TYW1: variants seen among roughly 807,000 people sequenced by gnomAD.
TYW1 encodes S-adenosyl-L-methionine-dependent tRNA 4-demethylwyosine synthase TYW1.
In TYW1, 46 loss-of-function variants were observed where a neutral mutation model predicts 96.2. That is an observed-to-expected ratio of 0.48 (90% confidence interval 0.38 to 0.61). TYW1 has a LOEUF of 0.61. Among genes scored for constraint, TYW1 ranks in the 20% least tolerant of loss-of-function variants. The pLI is 0.00. For synonymous variants in TYW1, 274 were observed against 323.0 expected, an observed-to-expected ratio of 0.85 and a Z score of 1.63; for missense variants, 684 against 909.6, an observed-to-expected ratio of 0.75 and a Z score of 3.19.
At chr7:67,115,154 C>A (rs1313265592) in intron 12 of TYW1, among the ~76,000 whole-genome samples, 3 of 151,406 alleles carry the variant, frequency 2.0e-5, no homozygotes, top group South Asian at 4.2e-4. Flanking sequence ...AAGGTCAGGG[C>A]AGTTCTCATT....
intron 8 of TYW1, among the ~76,000 whole-genome samples, chr7:67,052,881 T>C (rs1168105260): frequency 1.1e-3 from 161 of 151,854 alleles, no homozygotes; most frequent in Middle Eastern, 3.4e-3. Flanking sequence ...TCCTGAGTAA[T>C]TGCGTGCCCA....
intron 7 of TYW1, among the ~76,000 whole-genome samples, chr7:67,045,941 T>C (rs1795173884): frequency 1.3e-5 from 2 of 152,112 alleles, no homozygotes; most frequent in South Asian, 4.1e-4. Flanking sequence ...CACTGCTGGA[T>C]GTATATAGAA....
intron 8 of TYW1, among the ~76,000 whole-genome samples, chr7:67,051,943 C>T (rs1376202175): frequency 1.3e-5 from 2 of 151,912 alleles, no homozygotes; most frequent in Non-Finnish European, 2.9e-5. Flanking sequence ...CTGTTTTTTC[C>T]TTCAGTGTTT....
At chr7:67,039,872 A>G (rs933137458) in intron 7 of TYW1, among the ~76,000 whole-genome samples, 1 of 151,932 alleles carries the variant, frequency 6.6e-6, no homozygotes, top group African/African-American at 2.4e-5. Flanking sequence ...CGTGTTGGCC[A>G]GGATGGTCTT....
intron 7 of TYW1, among the ~76,000 whole-genome samples, chr7:67,036,359 A>T: frequency 6.6e-6 from 1 of 152,168 alleles, no homozygotes. Context: ...TCAGAAGCAA[A>T]GACCCTTTTA....
intron 12 of TYW1, among the ~76,000 whole-genome samples, chr7:67,108,710 G>A (rs1302003313): frequency 6.6e-6 from 1 of 151,932 alleles, no homozygotes; most frequent in East Asian, 1.9e-4. Flanking sequence ...CCAAAGTGCT[G>A]GGATTACAGA....
At chr7:67,108,836 C>T (rs922807940) in intron 12 of TYW1, among the ~76,000 whole-genome samples, 13 of 151,868 alleles carry the variant, frequency 8.6e-5, no homozygotes, top group African/African-American at 1.9e-4. Context: ...AAAACAGGGT[C>T]GAAATTGTAT....
Position 67,028,365 on chromosome 7 carries a change from T to G in TYW1, c.984+3343T>G, listed in dbSNP as rs1270504587. ...GAGTTCGAGACCAGCCTGACCAACA[T>G]GGTGAAACCCCGTCTTTTCTGAAAA... is the stretch of plus-strand genomic sequence containing the variant. On this transcript the variant is annotated intron_variant, in intron 7 of 15. Transcript: ENST00000359626. Among the ~76,000 whole-genome samples, 4 of 152,044 alleles carry G rather than the reference T, an allele frequency of 2.6e-5. 1 individual carries two copies. The South Asian group carries it at 8.3e-4, about 31-fold the overall frequency.
intron 12 of TYW1, among the ~76,000 whole-genome samples, chr7:67,099,295 G>T (rs12539202): frequency 0.04 from 6,102 of 152,270 alleles, 180 homozygotes; most frequent in Middle Eastern, 0.1. Flanking sequence ...GCTTCTGAAA[G>T]TGCTGGCATT....
intron 10 of TYW1, among the ~76,000 whole-genome samples, chr7:67,069,049 A>G (rs1428903801): frequency 2.6e-5 from 4 of 152,116 alleles, no homozygotes; most frequent in Non-Finnish European, 4.4e-5. Flanking sequence ...ATTTATCTCC[A>G]TATTTGCACA....
intron 15 of TYW1, among the ~76,000 whole-genome samples, chr7:67,209,733 C>T (rs1443112357): frequency 3.3e-5 from 5 of 151,990 alleles, no homozygotes; most frequent in Admixed American, 6.6e-5. Context: ...CCACCACGCC[C>T]GGCTACTTTT....
rs1473755889 is a variant in TYW1 at position 67,120,072 on chromosome 7, CTTTTTTTCTTCT to C, written c.1698+2465_1698+2476del. ...ACTGCTCCAGGCCTGATAAATGTTT[CTTTTTTTCTTCT>C]TTTTTTTCTTTTTTTGAGATGGAGT... is the stretch of plus-strand genomic sequence containing the variant. On this transcript the variant is annotated intron_variant, in intron 13 of 15. Transcript: ENST00000359626. Among the ~76,000 whole-genome samples the C allele has an allele frequency of 5.2e-5, 7 of 134,150 alleles. 1 individual carries two copies. The highest frequency in any genetic ancestry group is 5.0e-4 in the Admixed American group (7 of 13,972). 88.0% of individuals were successfully genotyped at this position (134,150 alleles called of 152,430 possible). A position where few individuals can be genotyped will look rare whatever the true frequency, so the allele number is the denominator to read the frequency against.
At chr7:67,202,649 A>G (rs6948588) in intron 15 of TYW1, among the ~76,000 whole-genome samples, 38,175 of 152,022 alleles carry the variant, frequency 0.25, 4,977 homozygotes, top group African/African-American at 0.3. Context: ...CTCCCACCTC[A>G]GCCTCCCAAA....
chr7:67,197,356 T>C (rs1800431025), intron 15 of TYW1, among the ~76,000 whole-genome samples: 1 of 150,920 alleles, frequency 6.6e-6, no homozygotes, highest in African/African-American at 2.4e-5. Flanking sequence ...GATGGAGTCT[T>C]GCTCTGTTGC....
chr7:67,226,885 C>T (rs1041669869), intron 15 of TYW1, among the ~76,000 whole-genome samples: 25 of 152,060 alleles, frequency 1.6e-4, no homozygotes, highest in African/African-American at 5.8e-4. Flanking sequence ...TGAGAAGGTC[C>T]GGTAGCCTCT....
At chr7:67,053,021 T>C in intron 8 of TYW1, among the ~76,000 whole-genome samples, 1 of 151,806 alleles carries the variant, frequency 6.6e-6, no homozygotes, top group Non-Finnish European at 1.5e-5. Flanking sequence ...GATTACAGGC[T>C]TGAGCCACGG....
At chr7:67,054,979 G>A (rs1476167170) in intron 8 of TYW1, among the ~76,000 whole-genome samples, 3 of 152,088 alleles carry the variant, frequency 2.0e-5, no homozygotes, top group African/African-American at 7.3e-5. Flanking sequence ...TTCTCTCTTT[G>A]GGTCAGCATT....
intron 7 of TYW1, among the ~76,000 whole-genome samples, chr7:67,036,294 A>G (rs112944590): frequency 0.068 from 10,346 of 151,498 alleles, 470 homozygotes; most frequent in South Asian, 0.12. Flanking sequence ...GTGCATACCA[A>G]TTATACATGG....
intron 13 of TYW1, among the ~76,000 whole-genome samples, chr7:67,157,970 TA>T (rs893917751): frequency 2.6e-5 from 4 of 152,172 alleles, no homozygotes; most frequent in Admixed American, 2.6e-4. Context: ...TGTTATGTTT[TA>T]GGGGGAAAGT....
Sources: allele counts gnomAD v4.1 joint callset (sites outside exome capture counted in the v4.1 genomes callset), GRCh38; gene constraint gnomAD v4.1.1; transcripts MANE v1.5; gene names NCBI Gene and HGNC (gene_info 2026-07-23, HGNC 2026-07-21).